The following SNTG1 variants were observed in gnomAD, a reference collection of about 807,000 sequenced individuals.
SNTG1 encodes the protein syntrophin gamma 1.
A neutral mutation model predicts 74.7 loss-of-function variants in SNTG1; 39 were observed. That is an observed-to-expected ratio of 0.52 (90% CI 0.40 to 0.68). The LOEUF is 0.68. SNTG1 is among the 30% of genes least tolerant of loss of function. The pLI is 0.00. For missense variants in SNTG1, 685 were observed against 609.5 expected, an observed-to-expected ratio of 1.12 and a Z score of -1.30; for synonymous variants, 254 against 217.1, an observed-to-expected ratio of 1.17 and a Z score of -1.49.
chr8:50,755,069 G>A (rs1288081747), intron 18 of SNTG1, among the ~76,000 whole-genome samples: 3 of 151,714 alleles, frequency 2.0e-5, no homozygotes, highest in Admixed American at 6.6e-5. Flanking sequence ...CCCACCAGAG[G>A]GGGGGATGAA....
chr8:50,268,652 CA>C (rs1231125641), intron 2 of SNTG1, among the ~76,000 whole-genome samples: 1 of 101,712 alleles, frequency 9.8e-6, no homozygotes, highest in African/African-American at 2.7e-5. Flanking sequence ...CATACATATT[CA>C]ATTTTTTTTT....
chr8:50,052,322 T>C (rs562777094), intron 1 of SNTG1, among the ~76,000 whole-genome samples: 16 of 152,232 alleles, frequency 1.1e-4, no homozygotes, highest in African/African-American at 3.1e-4. Flanking sequence ...AGACAATTCA[T>C]TAAGTAATAG....
At chr8:50,540,118 G>A (rs1585620224) in intron 11 of SNTG1, among the ~76,000 whole-genome samples, 1 of 152,248 alleles carries the variant, frequency 6.6e-6, no homozygotes, top group Non-Finnish European at 1.5e-5. Flanking sequence ...CATCTTATGT[G>A]TGAAGTTCTT....
At chr8:50,522,764 A>G (rs1028206208) in intron 9 of SNTG1, among the ~76,000 whole-genome samples, 4 of 152,090 alleles carry the variant, frequency 2.6e-5, no homozygotes, top group Non-Finnish European at 4.4e-5. Context: ...TTTTTAGTAG[A>G]GATGGGGTTT....
chr8:50,479,840 C>A (rs1486192889), intron 8 of SNTG1, among the ~76,000 whole-genome samples: 1 of 152,124 alleles, frequency 6.6e-6, no homozygotes, highest in East Asian at 1.9e-4. Context: ...GAATTGTTTT[C>A]TATTGACTAG....
At chr8:50,773,968 A>T (rs1057122739) in intron 18 of SNTG1, among the ~76,000 whole-genome samples, 1 of 152,122 alleles carries the variant, frequency 6.6e-6, no homozygotes, top group Non-Finnish European at 1.5e-5. Context: ...AATTTTAAAA[A>T]TTCTGAGATG....
intron 2 of SNTG1, among the ~76,000 whole-genome samples, chr8:50,265,695 T>C (rs2087427819): frequency 2.0e-5 from 3 of 152,062 alleles, no homozygotes; most frequent in African/African-American, 7.2e-5. Context: ...TATTTTCAGA[T>C]GGCATGATAT....
chr8:50,493,226 C>A (rs920084701), intron 8 of SNTG1, among the ~76,000 whole-genome samples: 2 of 152,090 alleles, frequency 1.3e-5, no homozygotes, highest in African/African-American at 4.8e-5. Context: ...ATTCTGGCAC[C>A]TTCTATGCAT....
At chr8:50,738,086 G>A (rs1191951648) in intron 17 of SNTG1, among the ~76,000 whole-genome samples, 1 of 151,930 alleles carries the variant, frequency 6.6e-6, no homozygotes. Flanking sequence ...AAGAAAGAAA[G>A]GATATTCACA....
intron 6 of SNTG1, 108 bp downstream of exon 6, chr8:50,449,833 G>C: frequency 1.0e-6 from 1 of 987,138 alleles, no homozygotes; most frequent in Non-Finnish European, 1.4e-6. Context: ...ACTGGCTCCA[G>C]CTTCCCCACC....
intron 1 of SNTG1, among the ~76,000 whole-genome samples, chr8:50,088,131 A>C (rs1586212720): frequency 6.6e-6 from 1 of 150,626 alleles, no homozygotes; most frequent in African/African-American, 2.4e-5. Context: ...TTATGGCTGC[A>C]TAGTATTCCA....
intron 1 of SNTG1, among the ~76,000 whole-genome samples, chr8:50,024,048 T>C (rs1817051383): frequency 6.6e-6 from 1 of 152,168 alleles, no homozygotes; most frequent in Non-Finnish European, 1.5e-5. Flanking sequence ...AGCTCCAGGA[T>C]GGGAACCAAA....
intron 1 of SNTG1, among the ~76,000 whole-genome samples, chr8:49,996,377 T>C (rs191693698): frequency 0.015 from 2,330 of 152,184 alleles, 29 homozygotes; most frequent in South Asian, 0.034. Flanking sequence ...AGAAGCTTTT[T>C]TTTTTTACCT....
At chr8:50,768,628 T>A (rs1563821430) in intron 18 of SNTG1, among the ~76,000 whole-genome samples, 4 of 152,076 alleles carry the variant, frequency 2.6e-5, no homozygotes, top group Non-Finnish European at 5.9e-5. Context: ...AATTTGTGAC[T>A]CTATCTGGTA....
chr8:50,247,350 C>T (rs1408722002), intron 2 of SNTG1, among the ~76,000 whole-genome samples: 1 of 152,064 alleles, frequency 6.6e-6, no homozygotes, highest in Non-Finnish European at 1.5e-5. Flanking sequence ...GGTGTTTGTT[C>T]TTGCTTCAGA....
chr8:50,460,653 AT>A (rs1221520808), intron 8 of SNTG1, among the ~76,000 whole-genome samples: 17 of 152,134 alleles, frequency 1.1e-4, no homozygotes, highest in African/African-American at 3.9e-4. Context: ...TCTTGAGTTA[AT>A]TTTTGTATAT....
intron 5 of SNTG1, among the ~76,000 whole-genome samples, chr8:50,441,449 C>T (rs2093356880): frequency 6.6e-6 from 1 of 152,112 alleles, no homozygotes; most frequent in Non-Finnish European, 1.5e-5. Context: ...AGGACTTTAA[C>T]TCTTCCCTTG....
chr8:50,031,800 C>T (rs772948503), intron 1 of SNTG1, among the ~76,000 whole-genome samples: 18 of 151,924 alleles, frequency 1.2e-4, no homozygotes, highest in Non-Finnish European at 2.2e-4. Context: ...GTACTTTCTT[C>T]GGTTTTGGTA....
intron 8 of SNTG1, among the ~76,000 whole-genome samples, chr8:50,473,055 G>T (rs1437199941): frequency 1.3e-5 from 2 of 152,154 alleles, no homozygotes; most frequent in Admixed American, 6.6e-5. Context: ...AAGTGATATG[G>T]TTAGGCTTTG....
Sources: allele counts gnomAD v4.1 joint callset (sites outside exome capture counted in the v4.1 genomes callset), GRCh38; gene constraint gnomAD v4.1.1; transcripts MANE v1.5; gene names NCBI Gene and HGNC (gene_info 2026-07-23, HGNC 2026-07-21).